Variants in MYO1E observed in about 807,000 individuals in gnomAD.
The protein encoded by MYO1E is myosin IE, also known as unconventional myosin-Ie.
In MYO1E, 68 loss-of-function variants were observed where a neutral mutation model predicts 151.1. The observed-to-expected ratio is 0.45, with a 90% CI of 0.37 to 0.55. The LOEUF (loss-of-function observed/expected upper bound fraction) is 0.55, where lower values mean the gene tolerates loss of function less well. Among genes scored for constraint, MYO1E ranks in the 20% least tolerant of loss-of-function variants. The probability of loss-of-function intolerance (pLI) is 0.00; values close to 1 mark genes in which losing one functional copy is unlikely to be tolerated. For synonymous variants in MYO1E, 601 were observed against 501.7 expected, an observed-to-expected ratio of 1.20 and a Z score of -2.64; for missense variants, 1,363 against 1,389.3, an observed-to-expected ratio of 0.98 and a Z score of 0.30.
intron 14 of MYO1E, chr15:59,208,251 G>A (rs1266659604): frequency 3.4e-5 from 22 of 642,980 alleles, no homozygotes; most frequent in Non-Finnish European, 4.5e-5. Flanking sequence ...GAGCATCCAC[G>A]TGCTGGACGA....
chr15:59,176,329 G>A (rs1271626457), intron 19 of MYO1E, among the ~76,000 whole-genome samples: 1 of 152,134 alleles, frequency 6.6e-6, no homozygotes, highest in African/African-American at 2.4e-5. Flanking sequence ...CAAAGTGCTG[G>A]GATTACAGGC....
intron 1 of MYO1E, among the ~76,000 whole-genome samples, chr15:59,324,280 TAA>T (rs1444109372): frequency 6.6e-6 from 1 of 151,996 alleles, no homozygotes; most frequent in Non-Finnish European, 1.5e-5. Context: ...TCACATCCGT[TAA>T]GAGAGAATAT....
In MYO1E at chr15:59,208,720, AC is replaced by A. The variant is rs1566979366; in HGVS notation, c.1490del (p.Ser497IlefsTer46). Reference sequence around the variant, plus strand: ...GATGAATGATGAAGCCTTGGTTCCAACTGTTGAAGTGCTCATGACTCCCAAT... The same window carrying A: ...GATGAATGATGAAGCCTTGGTTCCAATGTTGAAGTGCTCATGACTCCCAAT... ...MQIGSHEHFNSWNQGFIIHHY... is the reference protein window; with the variant it reads ...MQIGSHEHFNXWNQGFIIHHY... On this transcript the variant is annotated frameshift_variant, in exon 14 of 28. Transcript: ENST00000288235. LOFTEE classifies it high-confidence loss of function. 1 of 1,614,176 alleles carries A rather than the reference AC, an allele frequency of 6.2e-7. No homozygotes were observed. The highest frequency in any genetic ancestry group is 1.7e-5 in the Admixed American group (1 of 60,026).
intron 3 of MYO1E, among the ~76,000 whole-genome samples, chr15:59,258,144 C>G (rs1238292773): frequency 1.3e-5 from 2 of 152,040 alleles, no homozygotes; most frequent in Non-Finnish European, 1.5e-5. Flanking sequence ...GTCAGGAGTC[C>G]GAGACCAGTC....
chr15:59,353,531 T>C (rs1408352280), intron 1 of MYO1E, among the ~76,000 whole-genome samples: 1 of 150,490 alleles, frequency 6.6e-6, no homozygotes, highest in African/African-American at 2.4e-5. Flanking sequence ...CTGAGGCGGG[T>C]GGATTACCTG....
At chr15:59,303,856 A>G (rs529987996) in intron 1 of MYO1E, among the ~76,000 whole-genome samples, 4 of 152,104 alleles carry the variant, frequency 2.6e-5, no homozygotes, top group Admixed American at 6.5e-5. Context: ...ATTAACAACA[A>G]CAGCAGGAAT....
At chr15:59,207,943 G>C in intron 14 of MYO1E, 1 of 1,613,986 alleles carries the variant, frequency 6.2e-7, no homozygotes, top group East Asian at 2.2e-5. Flanking sequence ...AATAGATGAA[G>C]AAGTATTCCT....
intron 1 of MYO1E, among the ~76,000 whole-genome samples, chr15:59,277,562 A>AC (rs1567000041): frequency 0.013 from 1,826 of 136,990 alleles, 55 homozygotes; most frequent in African/African-American, 0.049. Flanking sequence ...AAAAAAAAAA[A>AC]AAAAAAAAAA....
At chr15:59,139,823 C>T (rs1205587606) in intron 26 of MYO1E, among the ~76,000 whole-genome samples, 5 of 151,566 alleles carry the variant, frequency 3.3e-5, no homozygotes, top group Non-Finnish European at 2.9e-5. Context: ...AGACTTCCCT[C>T]ATACCCTCAT....
At chr15:59,276,012 G>A (rs1308692757) in intron 1 of MYO1E, among the ~76,000 whole-genome samples, 2 of 152,148 alleles carry the variant, frequency 1.3e-5, no homozygotes, top group Non-Finnish European at 2.9e-5. Context: ...ACTATCCTAC[G>A]CTCTAGGGAG....
intron 2 of MYO1E, among the ~76,000 whole-genome samples, chr15:59,270,542 TAA>T (rs777284445): frequency 2.8e-4 from 29 of 104,762 alleles, no homozygotes; most frequent in Admixed American, 3.1e-4. Flanking sequence ...GACCCTGTCT[TAA>T]AAAAAAAAAA....
At chr15:59,372,330 C>T (rs1336190906) in intron 1 of MYO1E, among the ~76,000 whole-genome samples, 168 bp downstream of exon 1, 2 of 152,192 alleles carry the variant, frequency 1.3e-5, no homozygotes, top group Non-Finnish European at 2.9e-5. Flanking sequence ...CTCCCCCGGC[C>T]CGGGTTTACG....
chr15:59,197,492 T>C (rs1213704439), intron 16 of MYO1E, among the ~76,000 whole-genome samples: 1 of 152,196 alleles, frequency 6.6e-6, no homozygotes, highest in Non-Finnish European at 1.5e-5. Context: ...ATTAGATACA[T>C]GTATTATCTC....
intron 22 of MYO1E, among the ~76,000 whole-genome samples, chr15:59,165,626 T>C (rs2079559320): frequency 6.6e-6 from 1 of 152,196 alleles, no homozygotes; most frequent in African/African-American, 2.4e-5. Flanking sequence ...GCCAGTTCCA[T>C]AGTGCCTGGG....
chr15:59,178,945 C>G (rs977817503), intron 18 of MYO1E, among the ~76,000 whole-genome samples: 2 of 152,218 alleles, frequency 1.3e-5, no homozygotes, highest in African/African-American at 4.8e-5. Context: ...TTTTATAAAG[C>G]TCCTGCTAAA....
intron 26 of MYO1E, among the ~76,000 whole-genome samples, chr15:59,147,105 A>G (rs540712900): frequency 3.7e-4 from 57 of 152,292 alleles, no homozygotes; most frequent in Non-Finnish European, 7.2e-4. Context: ...GCCCCGAGAC[A>G]TTTGGATGTC....
intron 22 of MYO1E, among the ~76,000 whole-genome samples, chr15:59,165,235 G>A (rs761765729): frequency 6.6e-6 from 1 of 152,194 alleles, no homozygotes; most frequent in Non-Finnish European, 1.5e-5. Context: ...GGCGTAGAAT[G>A]GCAGTACGCG....
intron 1 of MYO1E, among the ~76,000 whole-genome samples, chr15:59,351,757 G>C (rs562249781): frequency 4.4e-4 from 67 of 152,266 alleles, no homozygotes; most frequent in South Asian, 2.9e-3. Flanking sequence ...AATGGCAGGA[G>C]CAAGGCAGGG....
intron 25 of MYO1E, among the ~76,000 whole-genome samples, chr15:59,154,812 A>C (rs186774841): frequency 6.6e-6 from 1 of 152,306 alleles, no homozygotes; most frequent in Non-Finnish European, 1.5e-5. Context: ...TTTTCTCTAT[A>C]TCCTTATTAT....
Sources: gnomAD v4.1 joint callset for allele counts (sites outside exome capture counted in the v4.1 genomes callset) on GRCh38, gnomAD v4.1.1 for gene constraint, MANE v1.5 for transcripts, NCBI Gene and HGNC (gene_info 2026-07-23, HGNC 2026-07-21) for gene names.